ADCY10: variants seen among roughly 807,000 people sequenced by gnomAD.
The protein encoded by ADCY10 is adenylate cyclase 10, also known as adenylate cyclase type 10.
Under a neutral mutation model 183.3 loss-of-function variants are expected in ADCY10, and 156 were observed. That is an observed-to-expected ratio of 0.85 (90% confidence interval 0.75 to 0.97). The LOEUF is 0.97. Among genes scored for constraint, ADCY10 ranks in the 50% least tolerant of loss-of-function variants. ADCY10 has a pLI of 0.00. For missense variants in ADCY10, 1,745 were observed against 1,934.3 expected, an observed-to-expected ratio of 0.90 and a Z score of 1.84; for synonymous variants, 645 against 670.0, an observed-to-expected ratio of 0.96 and a Z score of 0.58.
At chr1:167,850,069 G>A (rs1345702454) in intron 18 of ADCY10, among the ~76,000 whole-genome samples, 2 of 152,104 alleles carry the variant, frequency 1.3e-5, no homozygotes, top group African/African-American at 4.8e-5. Context: ...GGAGATAGTA[G>A]TAATCCAACT....
At chr1:167,893,583 G>A (rs929799482) in intron 8 of ADCY10, among the ~76,000 whole-genome samples, 13 of 151,002 alleles carry the variant, frequency 8.6e-5, no homozygotes, top group African/African-American at 2.7e-4. Flanking sequence ...GTGTGGTGGC[G>A]CATGTGGGAG....
chr1:167,883,705 C>T (rs1187260990), intron 8 of ADCY10, 77 bp from the exon 9 acceptor site: 8 of 1,350,578 alleles, frequency 5.9e-6, no homozygotes, highest in Non-Finnish European at 8.5e-6. Flanking sequence ...CACCTCATAC[C>T]CGAAATCATC....
At chr1:167,880,308 A>C in intron 10 of ADCY10, 117 bp from the exon 11 acceptor site, 3 of 1,080,944 alleles carry the variant, frequency 2.8e-6, no homozygotes, top group South Asian at 2.7e-5. Flanking sequence ...GATTTTCTCT[A>C]CCCGTTGGAA....
chr1:167,843,127 C>G (rs1221986932), intron 21 of ADCY10, among the ~76,000 whole-genome samples: 2 of 152,178 alleles, frequency 1.3e-5, no homozygotes, highest in Non-Finnish European at 2.9e-5. Context: ...AGACATTATT[C>G]AGAGACATTT....
At chr1:167,912,602 C>A (rs1286500146) in intron 1 of ADCY10, among the ~76,000 whole-genome samples, 3 of 152,242 alleles carry the variant, frequency 2.0e-5, no homozygotes, top group Non-Finnish European at 4.4e-5. Flanking sequence ...GACGTCCACC[C>A]CACTGGGGGT....
At chr1:167,822,966 T>C in intron 29 of ADCY10, 42 bp downstream of exon 29, 1 of 1,564,604 alleles carries the variant, frequency 6.4e-7, no homozygotes, top group Non-Finnish European at 8.8e-7. Flanking sequence ...AGCACAGGTA[T>C]CAACACCCCC....
At chr1:167,891,506 C>T (rs572810030) in intron 8 of ADCY10, among the ~76,000 whole-genome samples, 11 of 151,322 alleles carry the variant, frequency 7.3e-5, no homozygotes, top group Non-Finnish European at 1.5e-4. Flanking sequence ...AATACAAAAA[C>T]GTAGCCGGGC....
intron 18 of ADCY10, among the ~76,000 whole-genome samples, chr1:167,851,491 C>T (rs1665482679): frequency 6.6e-6 from 1 of 152,106 alleles, no homozygotes; most frequent in Non-Finnish European, 1.5e-5. Context: ...CTGGCCAACA[C>T]TCTCTCATAT....
chr1:167,898,617 A>T (rs1669174301), intron 6 of ADCY10, among the ~76,000 whole-genome samples: 1 of 151,382 alleles, frequency 6.6e-6, no homozygotes, highest in Non-Finnish European at 1.5e-5. Context: ...TAAAAAAAGA[A>T]TGATTGAAGA....
In ADCY10 at chr1:167,842,591, C is replaced by CAA. The variant is rs11306764; in HGVS notation, c.3007+2970_3007+2971dup. 8.6e-3 allele frequency among the ~76,000 whole-genome samples: 1,252 copies of CAA among 146,376 alleles called. 14 individuals carry two copies. Among genetic ancestry groups the CAA allele is most frequent in the South Asian group, 0.026 (118 of 4,532 alleles). ...GCAGGATATTTTAAGGAAGACACTG[C>CAA]AAAAAAAAAAACGTTTCCTAGTAAC... On this transcript the variant is annotated intron_variant, in intron 21 of 32. Coordinates refer to ENST00000367851, the MANE Select transcript of ADCY10 (RefSeq NM_018417.6).
intron 21 of ADCY10, among the ~76,000 whole-genome samples, chr1:167,841,444 A>G (rs1664629395): frequency 1.4e-5 from 2 of 138,882 alleles, no homozygotes; most frequent in South Asian, 4.5e-4. Flanking sequence ...CGCTCCTCCT[A>G]CCCAACATTC....
At chr1:167,898,776 G>A (rs941734657) in intron 6 of ADCY10, among the ~76,000 whole-genome samples, 5 of 152,050 alleles carry the variant, frequency 3.3e-5, no homozygotes, top group Non-Finnish European at 7.4e-5. Flanking sequence ...GCATCTGCAC[G>A]GATTCTCTGT....
At chr1:167,854,041 G>A (rs890470574) in intron 18 of ADCY10, among the ~76,000 whole-genome samples, 11 of 151,876 alleles carry the variant, frequency 7.2e-5, no homozygotes, top group African/African-American at 2.7e-4. Context: ...GTTTCACCAT[G>A]TTGGCCAGGC....
intron 13 of ADCY10, among the ~76,000 whole-genome samples, chr1:167,873,074 GAAAA>G (rs569005656): frequency 6.9e-6 from 1 of 145,838 alleles, no homozygotes; most frequent in Admixed American, 6.8e-5. Flanking sequence ...TGTCTCAAAA[GAAAA>G]AAAAAAGAAA....
rs185772069 is a variant in ADCY10, at chr1:167,848,266, G to T, written c.2437+95C>A. The T allele has an allele frequency of 7.8e-3, 7,872 of 1,014,732 alleles. 36 individuals are homozygous for T. Among genetic ancestry groups the T allele is most frequent in the Non-Finnish European group, 9.3e-3 (6,132 of 662,806 alleles). 62.9% of individuals were successfully genotyped at this position (1,014,732 alleles called of 1,614,324 possible). The stretch of plus-strand genomic sequence containing the variant: ...GGGTTTCACCATATTGGCCAGGCTG[G>T]TCTCAAACTCCTGACCTTGTGATCC... On this transcript the variant is annotated intron_variant, in intron 19 of 32. Coordinates refer to ENST00000367851, the MANE Select transcript of ADCY10 (RefSeq NM_018417.6).
chr1:167,822,722 C>G (rs904788861), intron 29 of ADCY10, among the ~76,000 whole-genome samples: 1 of 152,190 alleles, frequency 6.6e-6, no homozygotes, highest in African/African-American at 2.4e-5. Context: ...CATAGTAAGA[C>G]AGTCAGCCAC....
chr1:167,859,310 T>C (rs780287661), intron 16 of ADCY10, among the ~76,000 whole-genome samples: 3 of 152,212 alleles, frequency 2.0e-5, no homozygotes, highest in African/African-American at 4.8e-5. Context: ...GTGTTTCTTA[T>C]GAAAGAGACA....
chr1:167,870,198 C>T (rs1446372007), intron 14 of ADCY10, 59 bp downstream of exon 14: 1 of 1,583,228 alleles, frequency 6.3e-7, no homozygotes, highest in Non-Finnish European at 8.7e-7. Context: ...AGGAGAGGAG[C>T]ATCAAAATAA....
chr1:167,832,950 G>A, intron 25 of ADCY10, 37 bp downstream of exon 25: 1 of 1,605,332 alleles, frequency 6.2e-7, no homozygotes, highest in African/African-American at 1.3e-5. Context: ...TGGGGAGTGA[G>A]ACTAAACAGT....
Sources: allele counts gnomAD v4.1 joint callset (sites outside exome capture counted in the v4.1 genomes callset), GRCh38; gene constraint gnomAD v4.1.1; transcripts MANE v1.5; gene names NCBI Gene and HGNC (gene_info 2026-07-23, HGNC 2026-07-21).